CDC42SE2: variants seen among roughly 807,000 people sequenced by gnomAD.
CDC42SE2 encodes the protein CDC42 small effector protein 2.
A neutral mutation model predicts 11.5 loss-of-function variants in CDC42SE2; 3 were observed. The ratio of observed to expected loss-of-function variants is 0.26; its 90% confidence interval spans 0.12 to 0.67. CDC42SE2 has a LOEUF of 0.67. Ranked by LOEUF, CDC42SE2 falls within the 30% of genes least tolerant of loss-of-function variation. The pLI, the probability that CDC42SE2 is intolerant of heterozygous loss-of-function variation, is 0.80. For missense variants in CDC42SE2, 82 were observed against 106.8 expected (o/e 0.77, Z 1.02); for synonymous variants, 33 against 34.8 (o/e 0.95, Z 0.18).
intron 1 of CDC42SE2, among the ~76,000 whole-genome samples, chr5:131,313,577 C>T (rs1429327582): frequency 6.6e-6 from 1 of 152,090 alleles, no homozygotes; most frequent in Non-Finnish European, 1.5e-5. Context: ...AGAAAGCTAT[C>T]CTTTCTCTGC....
intron 4 of CDC42SE2, among the ~76,000 whole-genome samples, chr5:131,388,741 C>T (rs1750563966): frequency 6.6e-6 from 1 of 152,152 alleles, no homozygotes; most frequent in Non-Finnish European, 1.5e-5. Context: ...TAAACCAAAT[C>T]TTTTAAATTG....
At chr5:131,323,107 C>T (rs912122067) in intron 2 of CDC42SE2, among the ~76,000 whole-genome samples, 1 of 151,962 alleles carries the variant, frequency 6.6e-6, no homozygotes, top group Non-Finnish European at 1.5e-5. Context: ...ACTCACTGCA[C>T]CCTCAACCTT....
rs1044238923 is a variant in CDC42SE2 at position 131,393,309 on chromosome 5, A to G, written c.*2218A>G. The G allele has an allele frequency of 1.3e-5, 2 of 152,318 alleles. No individual in the cohort carries two copies. The highest frequency in any genetic ancestry group is 2.9e-5 in the Non-Finnish European group (2 of 68,032). 9.4% of individuals were successfully genotyped at this position (152,318 alleles called of 1,614,324 possible). A position where few individuals can be genotyped will look rare whatever the true frequency, so the allele number is the denominator to read the frequency against. The stretch of plus-strand genomic sequence containing the variant: ...GTTTATGTAGGTAAAATGTGAAAGC[A>G]TTTCTCCTCCACTTTTTAAAATTTA... On this transcript the variant is annotated 3_prime_UTR_variant, in exon 5 of 5. Coordinates refer to ENST00000505065, the MANE Select transcript of CDC42SE2 (RefSeq NM_001375635.1).
intron 3 of CDC42SE2, among the ~76,000 whole-genome samples, chr5:131,373,296 A>T (rs956847906): frequency 1.3e-5 from 2 of 152,162 alleles, no homozygotes; most frequent in African/African-American, 4.8e-5. Flanking sequence ...CAGATATAAT[A>T]AAAAAATAGA....
chr5:131,240,410 T>C, the CDC42SE2 span, among the ~76,000 whole-genome samples: 2 of 152,218 alleles, frequency 1.3e-5, no homozygotes, highest in African/African-American at 2.4e-5. Context: ...AGTGCATTTA[T>C]AATATTAAGG....
chr5:131,331,612 C>A (rs1369600413), intron 2 of CDC42SE2, among the ~76,000 whole-genome samples: 1 of 151,964 alleles, frequency 6.6e-6, no homozygotes, highest in Non-Finnish European at 1.5e-5. Flanking sequence ...TCTAGTTGGA[C>A]TTTTCTTTAT....
chr5:131,299,222 G>A (rs1254731518), intron 1 of CDC42SE2, among the ~76,000 whole-genome samples: 1 of 152,142 alleles, frequency 6.6e-6, no homozygotes, highest in Non-Finnish European at 1.5e-5. Flanking sequence ...GGGGTTTTAC[G>A]TCAGGAATAA....
upstream of CDC42SE2, among the ~76,000 whole-genome samples, chr5:131,262,666 G>T (rs1756756116): frequency 2.0e-5 from 3 of 152,018 alleles, no homozygotes; most frequent in Non-Finnish European, 2.9e-5. Context: ...AATATAAAAT[G>T]ATATAGTATT....
upstream of CDC42SE2, among the ~76,000 whole-genome samples, chr5:131,262,296 A>G (rs371277344): frequency 5.9e-5 from 9 of 152,142 alleles, no homozygotes; most frequent in East Asian, 1.3e-3. Flanking sequence ...ACTGCATTAA[A>G]AGTCAAGTAA....
chr5:131,316,045 G>C lies in CDC42SE2; in HGVS notation c.-385G>C, dbSNP rs1758033535. Reference sequence around the variant, plus strand: ...ACCCAAATGAGAAGAAATCTGCAAGGAATAACTACTGACAGTGAATCTGCG... The same window carrying C: ...ACCCAAATGAGAAGAAATCTGCAAGCAATAACTACTGACAGTGAATCTGCG... On this transcript the variant is annotated 5_prime_UTR_variant, in exon 2 of 5. Coordinates refer to ENST00000505065, the MANE Select transcript of CDC42SE2 (RefSeq NM_001375635.1). 6.6e-6 allele frequency: 1 copy of C among 152,288 alleles called. No individual in the cohort carries two copies. Among genetic ancestry groups the C allele is most frequent in the East Asian group, 1.9e-4 (1 of 5,342 alleles). 9.4% of individuals were successfully genotyped at this position (152,288 alleles called of 1,614,324 possible). A position where few individuals can be genotyped will look rare whatever the true frequency, so the allele number is the denominator to read the frequency against.
At chr5:131,306,636 G>A (rs1231191704) in intron 1 of CDC42SE2, among the ~76,000 whole-genome samples, 1 of 152,068 alleles carries the variant, frequency 6.6e-6, no homozygotes, top group Non-Finnish European at 1.5e-5. Flanking sequence ...AAACAGCATT[G>A]GAATTTTGAT....
At chr5:131,236,840 T>C in the CDC42SE2 span, among the ~76,000 whole-genome samples, 2 of 152,252 alleles carry the variant, frequency 1.3e-5, no homozygotes, top group African/African-American at 4.8e-5. Context: ...TTTCAATATA[T>C]GTTACTACAA....
chr5:131,362,929 C>CTGA (rs974752971), intron 3 of CDC42SE2, among the ~76,000 whole-genome samples: 15 of 151,958 alleles, frequency 9.9e-5, no homozygotes, highest in Admixed American at 2.6e-4. Context: ...GGGGGATTGC[C>CTGA]TGAGCTCAGG....
chr5:131,337,222 C>T (rs1758590547), intron 2 of CDC42SE2, among the ~76,000 whole-genome samples: 2 of 152,198 alleles, frequency 1.3e-5, no homozygotes, highest in East Asian at 3.9e-4. Context: ...TTGGAGTTTA[C>T]TGGAGGTCCA....
the CDC42SE2 span, among the ~76,000 whole-genome samples, chr5:131,232,974 G>A: frequency 6.6e-6 from 1 of 151,354 alleles, no homozygotes; most frequent in Non-Finnish European, 1.5e-5. Context: ...CTACAAAAAG[G>A]TGTACAGTGG....
chr5:131,328,891 G>T (rs139785331), intron 2 of CDC42SE2, among the ~76,000 whole-genome samples: 2 of 152,312 alleles, frequency 1.3e-5, no homozygotes, highest in Non-Finnish European at 2.9e-5. Context: ...ACTGCATCAG[G>T]CAAATTCTGA....
chr5:131,281,035 A>G (rs116538837), intron 1 of CDC42SE2, among the ~76,000 whole-genome samples: 133 of 152,304 alleles, frequency 8.7e-4, no homozygotes, highest in African/African-American at 3.1e-3. Context: ...CCAGTTCCAA[A>G]TTTGTCAAGT....
At chr5:131,225,265 TAC>T in the CDC42SE2 span, among the ~76,000 whole-genome samples, 1 of 152,214 alleles carries the variant, frequency 6.6e-6, no homozygotes, top group Non-Finnish European at 1.5e-5. Context: ...TCTAGAGTGG[TAC>T]AGTTATTTGT....
chr5:131,345,741 G>A (rs188681097), intron 2 of CDC42SE2, among the ~76,000 whole-genome samples: 2 of 152,316 alleles, frequency 1.3e-5, no homozygotes, highest in East Asian at 3.9e-4. Context: ...GTTAAGGGCA[G>A]CCAGAGAGAA....
Sources: allele counts gnomAD v4.1 joint callset (sites outside exome capture counted in the v4.1 genomes callset), GRCh38; gene constraint gnomAD v4.1.1; transcripts MANE v1.5; gene names NCBI Gene and HGNC (gene_info 2026-07-23, HGNC 2026-07-21).